Variants in HOXB13 observed in about 807,000 individuals in gnomAD.
HOXB13 encodes the protein homeobox B13.
Under a neutral mutation model 23.1 loss-of-function variants are expected in HOXB13, and 22 were observed. The observed-to-expected ratio is 0.95, with a 90% CI of 0.68 to 1.36. The LOEUF is 1.36. Among genes scored for constraint, HOXB13 ranks in the 40% most tolerant of loss-of-function variants. The probability of loss-of-function intolerance (pLI) is 0.00; values close to 1 mark genes in which losing one functional copy is unlikely to be tolerated. For synonymous variants in HOXB13, 173 were observed against 157.9 expected (o/e 1.10, Z -0.72); for missense variants, 386 against 376.2 (o/e 1.03, Z -0.22).
Position 48,726,647 on chromosome 17 carries a change from A to G in HOXB13, c.*143T>C. 9.6e-7 allele frequency: 1 copy of G among 1,046,752 alleles called. No homozygotes were observed. The highest frequency in any genetic ancestry group is 1.4e-6 in the Non-Finnish European group (1 of 735,254). The allele number at this position is 1,046,752 out of a possible 1,614,324, so 64.8% of individuals were successfully genotyped here. A position where few individuals can be genotyped will look rare whatever the true frequency, so the allele number is the denominator to read the frequency against. ...GGTACCCAGGCCGCTCCTGAGGAAC[A>G]GTCCAGCAGCCAGTGGCCTGGGAAG... On this transcript the variant is annotated 3_prime_UTR_variant, in exon 2 of 2. Transcript: ENST00000290295.
At chr17:48,727,492 T>C (rs920815333) in intron 1 of HOXB13, among the ~76,000 whole-genome samples, 1 of 152,138 alleles carries the variant, frequency 6.6e-6, no homozygotes, top group Non-Finnish European at 1.5e-5. Context: ...CACACACATA[T>C]GTCACGGCTG....
rs556583174 is a variant in HOXB13, at chr17:48,727,112, C to T, written c.602-69G>A. Reference sequence around the variant, plus strand: ...CCCACCCATGCAGACCCAGGCCTTGCAAGCCCCAAGCTAAGTCATCTCACA... The same window carrying T: ...CCCACCCATGCAGACCCAGGCCTTGTAAGCCCCAAGCTAAGTCATCTCACA... On this transcript the variant is annotated intron_variant, in intron 1 of 1. Coordinates refer to ENST00000290295, the MANE Select transcript of HOXB13 (RefSeq NM_006361.6). 30 of 1,565,160 alleles carry T rather than the reference C, an allele frequency of 1.9e-5. No homozygotes were observed. The African/African-American group carries it at 3.6e-4, about 19-fold the overall frequency.
In HOXB13 at chr17:48,725,934, T is replaced by A. The variant is rs1220437661; in HGVS notation, c.*856A>T. On this transcript the variant is annotated 3_prime_UTR_variant, in exon 2 of 2. Coordinates refer to ENST00000290295, the MANE Select transcript of HOXB13 (RefSeq NM_006361.6). ...CCGTTTGTGCCTGGGAAGGGCTAAG[T>A]ATGCAAGGCTACAAACATCTACTTC... The A allele has an allele frequency of 6.6e-6, 1 of 152,248 alleles. No homozygotes were observed. The highest frequency in any genetic ancestry group is 6.5e-5 in the Admixed American group (1 of 15,282). The allele number at this position is 152,248 out of a possible 1,614,324, so 9.4% of individuals were successfully genotyped here.
At chr17:48,727,910 CCCT>C (rs2038227205) in intron 1 of HOXB13, 80 bp downstream of exon 1, 64 of 1,482,866 alleles carry the variant, frequency 4.3e-5, no homozygotes, top group Admixed American at 7.7e-5. Context: ...CTCCAAGTCT[CCCT>C]CCTCCTCCTC....
Position 48,726,838 on chromosome 17 carries a change from G to A in HOXB13, c.807C>T (p.Val269=), listed in dbSNP as rs1289659465. The change falls in exon 2 of 2, where the codon GTC becomes GTT. Residue 269 remains valine, a synonymous_variant. Coordinates refer to ENST00000290295, the MANE Select transcript of HOXB13 (RefSeq NM_006361.6). ...CCTTGGCGAGAACCTTCTTCTCTTTGACCCGGCGGTTCTGAAACCAGATGG... is the reference window on the plus strand; with the variant it reads ...CCTTGGCGAGAACCTTCTTCTCTTTAACCCGGCGGTTCTGAAACCAGATGG... The part of the protein sequence containing the change: ...QITIWFQNRR[V]KEKKVLAKVK... The A allele has an allele frequency of 1.2e-6, 2 of 1,614,178 alleles. No individual in the cohort carries two copies. The highest frequency in any genetic ancestry group is 1.7e-6 in the Non-Finnish European group (2 of 1,180,032).
rs1555558589 is a variant in HOXB13, at chr17:48,728,113, C to A, written c.481G>T (p.Asp161Tyr). 1 of 1,614,202 alleles carries A rather than the reference C, an allele frequency of 6.2e-7. No homozygotes were observed. The highest frequency in any genetic ancestry group is 1.7e-5 in the Admixed American group (1 of 60,032). The change falls in exon 1 of 2, where the codon GAC (aspartate) becomes TAC (tyrosine). Residue 161 changes from aspartate (D) to tyrosine (Y), a missense_variant. Asp to Tyr is a radical substitution (Grantham distance 160). Transcript: ENST00000290295. ...TAACTGTCCACAGGCAACAGGGAGT[C>A]ATGTCGCGGTTCTCCAGGAGCACCC... ...TLGAPGEPRH[D>Y]SLLPVDSYQS...
In HOXB13 at chr17:48,726,362, G is replaced by C. The variant is rs2038208379; in HGVS notation, c.*428C>G. The C allele has an allele frequency of 6.1e-6, 1 of 164,908 alleles. No homozygotes were observed. The highest frequency in any genetic ancestry group is 5.8e-5 in the Admixed American group (1 of 17,268). The allele number at this position is 164,908 out of a possible 1,614,324, so 10.2% of individuals were successfully genotyped here. On this transcript the variant is annotated 3_prime_UTR_variant, in exon 2 of 2. Transcript: ENST00000290295. ...TGTTACCAGGGTGAGAGGTGTAATG[G>C]AAGGGGGTCTGAGAGAAAGCTTCCC...
At chr17:48,727,183 C>T in intron 1 of HOXB13, 140 bp from the exon 2 acceptor site, 1 of 1,052,716 alleles carries the variant, frequency 9.5e-7, no homozygotes, top group Middle Eastern at 3.0e-4. Flanking sequence ...TCCTGTTCCT[C>T]CAAAGCATAC....
rs2143070847 is a variant in HOXB13 at position 48,728,019 on chromosome 17, C to T, written c.575G>A (p.Gly192Asp). ...TGCAAATGCTGCCTTCCAAAAGGGA[C>T]CTGGTGGGTTCTGTTCTCCCTGGCA... ...MCCQGEQNPPGPFWKAAFADS... is the reference protein window; with the variant it reads ...MCCQGEQNPPDPFWKAAFADS... The change falls in exon 1 of 2, where the codon GGT (glycine) becomes GAT (aspartate). Residue 192 changes from glycine to aspartate, a missense_variant. Gly to Asp is a moderately conservative substitution (Grantham distance 94). Coordinates refer to ENST00000290295, the MANE Select transcript of HOXB13 (RefSeq NM_006361.6). 1 of 1,614,170 alleles carries T rather than the reference C, an allele frequency of 6.2e-7. No homozygotes were observed. Among genetic ancestry groups the T allele is most frequent in the South Asian group, 1.1e-5 (1 of 91,086 alleles).
rs762991673 is a variant in HOXB13, at chr17:48,726,892, T to C, written c.753A>G (p.Ala251=). ...ITKDKRRKIS[A]ATSLSERQIT... ...TCTGGCGCTCCGAGAGGCTGGTGGCTGCCGAGATCTTGCGCCTCTTGTCCT... is the reference window on the plus strand; with the variant it reads ...TCTGGCGCTCCGAGAGGCTGGTGGCCGCCGAGATCTTGCGCCTCTTGTCCT... The change falls in exon 2 of 2, where the codon GCA becomes GCG. Residue 251 remains alanine, a synonymous_variant. Transcript: ENST00000290295. The C allele has an allele frequency of 6.2e-7, 1 of 1,613,856 alleles. No homozygotes were observed.
rs1460312327 is a variant in HOXB13 at position 48,728,390 on chromosome 17, C to A, written c.204G>T (p.Gly68=). Residue 68 remains glycine, a synonymous_variant, in exon 1 of 2, where the codon GGG becomes GGT. Transcript: ENST00000290295. ...EPPKQCHPCP[G]VPQGTSPAPV... ...GAGCTGGGGACGTCCCCTGGGGCACCCCAGGGCATGGGTGGCATTGCTTTG... is the reference window on the plus strand; with the variant it reads ...GAGCTGGGGACGTCCCCTGGGGCACACCAGGGCATGGGTGGCATTGCTTTG... 1.2e-6 allele frequency: 2 copies of A among 1,613,786 alleles called. No homozygotes were observed. Among genetic ancestry groups the A allele is most frequent in the South Asian group, 1.1e-5 (1 of 91,070 alleles).
At position 48,725,545 on chromosome 17, in the gene HOXB13, C is replaced by G. The variant is rs1257209470; in HGVS notation, c.*1245G>C. The G allele has an allele frequency of 1.3e-5, 2 of 152,196 alleles. No homozygotes were observed. Among genetic ancestry groups the G allele is most frequent in the Non-Finnish European group, 2.9e-5 (2 of 68,090 alleles). 9.4% of individuals were successfully genotyped at this position (152,196 alleles called of 1,614,324 possible). On this transcript the variant is annotated 3_prime_UTR_variant, in exon 2 of 2. Transcript: ENST00000290295. ...CGGCCGCGGCCCACCACCAACTGCT[C>G]GCCACCGACCCCACTACTCGCCACC...
At position 48,726,912 on chromosome 17, in the gene HOXB13, T is replaced by G. The variant is rs1272588905; in HGVS notation, c.733A>C (p.Lys245Gln). Residue 245 changes from lysine (K) to glutamine (Q), a missense_variant, in exon 2 of 2, where the codon AAG becomes CAG. Coordinates refer to ENST00000290295, the MANE Select transcript of HOXB13 (RefSeq NM_006361.6). ...GTGGCTGCCGAGATCTTGCGCCTCT[T>G]GTCCTTGGTGATGAACTTGTTAGCC... ...YAANKFITKD[K>Q]RRKISAATSL... is the part of the protein sequence containing the mutation. 2 of 1,614,036 alleles carry G rather than the reference T, an allele frequency of 1.2e-6. No homozygotes were observed. Among genetic ancestry groups the G allele is most frequent in the Admixed American group, 3.3e-5 (2 of 60,010 alleles).
Position 48,728,645 on chromosome 17 carries a change from C to G in HOXB13, c.-52G>C. The G allele has an allele frequency of 6.3e-7, 1 of 1,590,564 alleles. No homozygotes were observed. On this transcript the variant is annotated 5_prime_UTR_variant, in exon 1 of 2. Transcript: ENST00000290295. ...CGGGGGCGGGGAATCTAGGGGGCAC[C>G]CAGCTCGCTCTCCCCACCCAGGCCG...
rs370361482 is a variant in HOXB13 at position 48,728,266 on chromosome 17, G to C, written c.328C>G (p.Pro110Ala). 36 of 1,614,072 alleles carry C rather than the reference G, an allele frequency of 2.2e-5. No homozygotes were observed. The highest frequency in any genetic ancestry group is 1.9e-5 in the Non-Finnish European group (23 of 1,180,052). Residue 110 changes from proline to alanine, a missense_variant, in exon 1 of 2, where the codon CCC becomes GCC. Physicochemically the swap from Pro to Ala is conservative, Grantham distance 27. Transcript: ENST00000290295. ...TCCCCGGCCGTGGGAGTCTCCGCGG[G>C]GTACGCGGCCAGGGTGGCTGCCTGG... is the stretch of plus-strand genomic sequence containing the variant. ...CAQAATLAAY[P>A]AETPTAGEEY...
At position 48,726,792 on chromosome 17, in the gene HOXB13, A is replaced by G. The variant is rs1555558440; in HGVS notation, c.853T>C (p.Ter285GlnextTer32). 1 of 1,613,472 alleles carries G rather than the reference A, an allele frequency of 6.2e-7. No individual in the cohort carries two copies. ...TCCCACCCAGGCAAGGAGATCTCTT[A>G]AGGGGTAGCGCTGTTCTTCACCTTG... ...LAKVKNSATP[*>Q] The change falls in exon 2 of 2, where the codon TAA becomes CAA. Residue 285 changes from the stop codon to glutamine (Q), a stop_lost. Coordinates refer to ENST00000290295, the MANE Select transcript of HOXB13 (RefSeq NM_006361.6).
Position 48,728,606 on chromosome 17 carries a change from C to T in HOXB13, c.-13G>A, listed in dbSNP as rs1293320654. 2 of 1,611,018 alleles carry T rather than the reference C, an allele frequency of 1.2e-6. No homozygotes were observed. Among genetic ancestry groups the T allele is most frequent in the African/African-American group, 1.3e-5 (1 of 74,844 alleles). On this transcript the variant is annotated 5_prime_UTR_variant, in exon 1 of 2. Coordinates refer to ENST00000290295, the MANE Select transcript of HOXB13 (RefSeq NM_006361.6). ...TGCCGGGCTCCATGGAGCCGAGGGT[C>T]GGCTCATGAGGTGCGGGGGCGGGGA... is the stretch of plus-strand genomic sequence containing the variant.
Position 48,728,703 on chromosome 17 carries a change from C to T in HOXB13, c.-110G>A. ...CCAAAGCGTTTTAAATCGCTCCCAG[C>T]TCGCAAGTCGCCTGCATTCGCTCAG... On this transcript the variant is annotated 5_prime_UTR_variant, in exon 1 of 2. Transcript: ENST00000290295. The T allele has an allele frequency of 2.8e-6, 3 of 1,065,984 alleles. No homozygotes were observed. The highest frequency in any genetic ancestry group is 3.1e-5 in the South Asian group (2 of 64,484). The allele number at this position is 1,065,984 out of a possible 1,614,324, so 66.0% of individuals were successfully genotyped here. A position where few individuals can be genotyped will look rare whatever the true frequency, so the allele number is the denominator to read the frequency against.
At position 48,724,967 on chromosome 17, in the gene HOXB13, T is replaced by C. The variant is rs79812861; in HGVS notation, c.*1823A>G. The C allele has an allele frequency of 0.041, 10,998 of 271,390 alleles. 291 individuals are homozygous for C. The highest frequency in any genetic ancestry group is 0.12 in the South Asian group (720 of 5,850). The allele number at this position is 271,390 out of a possible 1,614,324, so 16.8% of individuals were successfully genotyped here. A position where few individuals can be genotyped will look rare whatever the true frequency, so the allele number is the denominator to read the frequency against. On this transcript the variant is annotated 3_prime_UTR_variant, in exon 2 of 2. Transcript: ENST00000290295. Reference sequence around the variant, plus strand: ...CTCTCCAAGGGGTCACCCCGCACCATGCCGCTCCCCCTCATCTATCTTGCC... The same window carrying C: ...CTCTCCAAGGGGTCACCCCGCACCACGCCGCTCCCCCTCATCTATCTTGCC...
Sources: allele counts gnomAD v4.1 joint callset (sites outside exome capture counted in the v4.1 genomes callset), GRCh38; gene constraint gnomAD v4.1.1; transcripts MANE v1.5; gene names NCBI Gene and HGNC (gene_info 2026-07-23, HGNC 2026-07-21).